Variants in PID1 observed in about 807,000 individuals in gnomAD.
The protein encoded by PID1 is PTB-containing, cubilin and LRP1-interacting protein.
Under a neutral mutation model 19.1 loss-of-function variants are expected in PID1, and 10 were observed. That is an observed-to-expected ratio of 0.52 (90% CI 0.32 to 0.89). The LOEUF (loss-of-function observed/expected upper bound fraction) is 0.89. Among genes scored for constraint, PID1 ranks in the 40% least tolerant of loss-of-function variants. PID1 has a pLI of 0.03. For synonymous variants in PID1, 130 were observed against 116.0 expected, an observed-to-expected ratio of 1.12 and a Z score of -0.78; for missense variants, 248 against 285.3, an observed-to-expected ratio of 0.87 and a Z score of 0.94.
rs141675665 is a variant in PID1 at position 229,210,633 on chromosome 2, A to C, written c.31-54669T>G. Among the ~76,000 whole-genome samples, 7 of 151,932 alleles carry C rather than the reference A, an allele frequency of 4.6e-5. No individual in the cohort carries two copies. In the East Asian group the frequency reaches 1.4e-3, roughly 29 times the overall value. ...TGCTACACAAGTAAAGATAAAATTC[A>C]AAGAATGTAGCTTTTTGTCTTATAA... On this transcript the variant is annotated intron_variant, in intron 1 of 2. Transcript: ENST00000392055.
rs973319139 is a variant in PID1 at position 229,029,536 on chromosome 2, G to A, written c.178-3428C>T. On this transcript the variant is annotated intron_variant, in intron 2 of 2. Coordinates refer to ENST00000392055, the MANE Select transcript of PID1 (RefSeq NM_001100818.2). ...TATACCATGTAGAAAACAGCGTGGC[G>A]GTTCTCCAAAAAATTCAAAGTAGAG... is the stretch of plus-strand genomic sequence containing the variant. Among the ~76,000 whole-genome samples, 15 of 152,060 alleles carry A rather than the reference G, an allele frequency of 9.9e-5. No homozygotes were observed. The East Asian group carries it at 1.4e-3, about 14-fold the overall frequency.
intron 2 of PID1, among the ~76,000 whole-genome samples, chr2:229,130,321 G>A (rs1689704268): frequency 6.6e-6 from 1 of 152,218 alleles, no homozygotes; most frequent in African/African-American, 2.4e-5. Context: ...GCAAGTCCCA[G>A]CGCTTCTCAG....
intron 1 of PID1, among the ~76,000 whole-genome samples, chr2:229,246,224 C>A (rs1003077140): frequency 5.9e-5 from 9 of 152,164 alleles, no homozygotes; most frequent in African/African-American, 2.2e-4. Flanking sequence ...GGAGCCAATA[C>A]AGCCAGCCTA....
chr2:229,030,340 G>T (rs1366496586), intron 2 of PID1, among the ~76,000 whole-genome samples: 1 of 152,158 alleles, frequency 6.6e-6, no homozygotes, highest in African/African-American at 2.4e-5. Context: ...ATGGTTGGTG[G>T]TGATAGTTGT....
Position 229,156,109 on chromosome 2 carries a change from G to A in PID1, c.31-145C>T, listed in dbSNP as rs555940433. On this transcript the variant is annotated intron_variant, in intron 1 of 2. Transcript: ENST00000392055. Reference sequence around the variant, plus strand: ...AGAGATATTTAGTAAAACAGAGGAGGGGGAACTGTGTCCTGTCAGGACGTC... The same window carrying A: ...AGAGATATTTAGTAAAACAGAGGAGAGGGAACTGTGTCCTGTCAGGACGTC... The A allele has an allele frequency of 3.6e-5, 24 of 664,656 alleles. No individual in the cohort carries two copies. In the South Asian group the frequency reaches 4.0e-4, roughly 11 times the overall value. The allele number at this position is 664,656 out of a possible 1,614,324, so 41.2% of individuals were successfully genotyped here.
chr2:229,071,570 A>C (rs1181056362), intron 2 of PID1, among the ~76,000 whole-genome samples: 1 of 152,238 alleles, frequency 6.6e-6, no homozygotes, highest in Admixed American at 6.5e-5. Context: ...GATATCTTCT[A>C]TATATAAGTA....
At chr2:229,082,341 C>G (rs956775797) in intron 2 of PID1, among the ~76,000 whole-genome samples, 1 of 152,198 alleles carries the variant, frequency 6.6e-6, no homozygotes, top group African/African-American at 2.4e-5. Flanking sequence ...CTGTGATAGG[C>G]AGAATTCTAA....
chr2:229,030,751 C>T (rs572800782), intron 2 of PID1, among the ~76,000 whole-genome samples: 4 of 152,122 alleles, frequency 2.6e-5, no homozygotes, highest in African/African-American at 9.6e-5. Flanking sequence ...AAATATCTTC[C>T]TCTTTATAAA....
chr2:229,139,115 G>GAAAGAAAGAGAGAGAA (rs1210728895), intron 2 of PID1, among the ~76,000 whole-genome samples: 3 of 48,056 alleles, frequency 6.2e-5, no homozygotes, highest in African/African-American at 1.9e-4. Flanking sequence ...AAGAAAGAAA[G>GAAAGAAAGAGAGAGAA]AGAAAGAAAG....
intron 1 of PID1, among the ~76,000 whole-genome samples, chr2:229,184,263 T>TATATATATCCC (rs1559274110): frequency 0.11 from 198 of 1,780 alleles, 96 homozygotes; most frequent in African/African-American, 0.18. Context: ...ATATATCCCA[T>TATATATATCCC]ATGTATATAT....
intron 2 of PID1, among the ~76,000 whole-genome samples, chr2:229,112,103 T>G (rs1239601206): frequency 6.6e-6 from 1 of 152,246 alleles, no homozygotes; most frequent in Non-Finnish European, 1.5e-5. Flanking sequence ...GAATGTCCAC[T>G]GGCCTTGTTA....
At chr2:229,236,976 T>C (rs995786546) in intron 1 of PID1, among the ~76,000 whole-genome samples, 1 of 81,526 alleles carries the variant, frequency 1.2e-5, no homozygotes, top group East Asian at 2.8e-4. Flanking sequence ...GCCTTCTCCT[T>C]TACACACACA....
chr2:229,074,331 G>C (rs986536627), intron 2 of PID1, among the ~76,000 whole-genome samples: 1 of 151,772 alleles, frequency 6.6e-6, no homozygotes, highest in African/African-American at 2.4e-5. Flanking sequence ...TAAAAAAAAA[G>C]ATAATAATAA....
chr2:229,202,068 TA>T (rs1691509972), intron 1 of PID1, among the ~76,000 whole-genome samples: 1 of 152,088 alleles, frequency 6.6e-6, no homozygotes, highest in South Asian at 2.1e-4. Flanking sequence ...GTTTTTAAAA[TA>T]TTTTTTTAAA....
At chr2:229,126,129 C>T (rs1256648670) in intron 2 of PID1, among the ~76,000 whole-genome samples, 2 of 152,178 alleles carry the variant, frequency 1.3e-5, no homozygotes, top group South Asian at 2.1e-4. Context: ...AGCCACACCA[C>T]TTGCCAGATG....
chr2:229,073,746 A>T (rs1346895617), intron 2 of PID1, among the ~76,000 whole-genome samples: 2 of 152,254 alleles, frequency 1.3e-5, no homozygotes, highest in Non-Finnish European at 2.9e-5. Context: ...ACTTGCTCCA[A>T]GTTGGTGAAT....
chr2:229,041,207 G>A lies in PID1; in HGVS notation c.178-15099C>T, dbSNP rs1039409542. Among the ~76,000 whole-genome samples the A allele has an allele frequency of 5.3e-5, 8 of 152,210 alleles. No individual in the cohort carries two copies. The East Asian group carries it at 9.7e-4, about 18-fold the overall frequency. ...CCCTACTCAGACAGAGCTGTTTCAGGGCTGTCACACAAAACAGTGACATGG... is the reference window on the plus strand; with the variant it reads ...CCCTACTCAGACAGAGCTGTTTCAGAGCTGTCACACAAAACAGTGACATGG... On this transcript the variant is annotated intron_variant, in intron 2 of 2. Transcript: ENST00000392055.
intron 2 of PID1, among the ~76,000 whole-genome samples, chr2:229,140,911 T>C (rs1428481332): frequency 6.6e-6 from 1 of 152,080 alleles, no homozygotes; most frequent in Non-Finnish European, 1.5e-5. Context: ...GGGTCTGTAA[T>C]TTAAAAAGAA....
intron 2 of PID1, among the ~76,000 whole-genome samples, chr2:229,103,975 C>T (rs1248792094): frequency 6.6e-6 from 1 of 152,182 alleles, no homozygotes; most frequent in Non-Finnish European, 1.5e-5. Flanking sequence ...AAACAAGATG[C>T]TTCTTATTAG....
Sources: gnomAD v4.1 joint callset for allele counts (sites outside exome capture counted in the v4.1 genomes callset) on GRCh38, gnomAD v4.1.1 for gene constraint, MANE v1.5 for transcripts, NCBI Gene and HGNC (gene_info 2026-07-23, HGNC 2026-07-21) for gene names.